Variants in ZHX3 observed in about 807,000 individuals in gnomAD.
ZHX3 encodes zinc fingers and homeoboxes 3.
ZHX3 carries 20 observed loss-of-function variants against 64.5 expected under a neutral mutation model. The ratio of observed to expected loss-of-function variants is 0.31; its 90% confidence interval spans 0.22 to 0.45. The LOEUF is 0.45. Ranked by LOEUF, ZHX3 falls within the 20% of genes least tolerant of loss-of-function variation. The pLI is 1.00. For missense variants in ZHX3, 1,041 were observed against 1,195.8 expected (o/e 0.87, Z 1.91); for synonymous variants, 423 against 461.6 (o/e 0.92, Z 1.07).
intron 1 of ZHX3, among the ~76,000 whole-genome samples, chr20:41,291,546 T>C (rs990012808): frequency 1.7e-4 from 26 of 151,924 alleles, no homozygotes; most frequent in Admixed American, 1.3e-4. Flanking sequence ...ATATGAAAGC[T>C]GTGGTTACAT....
chr20:41,215,438 T>C (rs1204345120), intron 2 of ZHX3, among the ~76,000 whole-genome samples: 1 of 152,214 alleles, frequency 6.6e-6, no homozygotes, highest in African/African-American at 2.4e-5. Flanking sequence ...GTGAGTTTTT[T>C]AGATAAAAAT....
At chr20:41,313,632 CTG>C (rs2045207181) in intron 1 of ZHX3, among the ~76,000 whole-genome samples, 1 of 121,966 alleles carries the variant, frequency 8.2e-6, no homozygotes, top group Admixed American at 1.0e-4. Context: ...GAGTCTCACT[CTG>C]TCGCCCAGGC....
At chr20:41,259,215 C>G (rs1470038322) in intron 2 of ZHX3, among the ~76,000 whole-genome samples, 3 of 152,132 alleles carry the variant, frequency 2.0e-5, no homozygotes, top group African/African-American at 7.2e-5. Flanking sequence ...GTAATTCTTT[C>G]TTTTTGGGAG....
rs774299186 is a variant in ZHX3, at chr20:41,204,594, G to C, written c.323C>G (p.Thr108Ser). ...AAAACTGCACCCACTGCATACAAAG[G>C]TTGGGTCTTTATTAAAGTCTGTGTG... Reference protein sequence around the residue: ...SEHTDFNKDPTFVCSGCSFLA... With the variant: ...SEHTDFNKDPSFVCSGCSFLA... Residue 108 changes from threonine (T) to serine (S), a missense_variant, in exon 3 of 4, where the codon ACC becomes AGC. Thr to Ser is a moderately conservative substitution (Grantham distance 58). Transcript: ENST00000683867. This position sits in a 1 kb window ranked among gnomAD's most constrained non-coding sequence, Gnocchi z 6.6. 8.7e-6 allele frequency: 14 copies of C among 1,614,110 alleles called. No homozygotes were observed. Among genetic ancestry groups the C allele is most frequent in the Admixed American group, 1.7e-5 (1 of 60,010 alleles).
At chr20:41,264,665 G>A (rs926149403) in intron 2 of ZHX3, among the ~76,000 whole-genome samples, 1 of 151,714 alleles carries the variant, frequency 6.6e-6, no homozygotes, top group African/African-American at 2.4e-5. Context: ...GCCAAAAATG[G>A]ATCAAGATAT....
chr20:41,294,943 C>G (rs1410125839), intron 1 of ZHX3, among the ~76,000 whole-genome samples: 1 of 152,168 alleles, frequency 6.6e-6, no homozygotes, highest in Admixed American at 6.5e-5. Flanking sequence ...GTGATCCATG[C>G]GCCTCGGCCT....
At position 41,312,821 on chromosome 20, in the gene ZHX3, G is replaced by A. The variant is rs573921664; in HGVS notation, c.-245+4688C>T. Among the ~76,000 whole-genome samples, 12 of 152,294 alleles carry A rather than the reference G, an allele frequency of 7.9e-5. No homozygotes were observed. The South Asian group carries it at 1.7e-3, about 21-fold the overall frequency. The stretch of plus-strand genomic sequence containing the variant: ...GAGCCTGGAGAGGGAGCACGTCAGA[G>A]TAAGTGTGGATGCGAGTCCAAGTGC... On this transcript the variant is annotated intron_variant, in intron 1 of 3. Coordinates refer to ENST00000683867, the MANE Select transcript of ZHX3 (RefSeq NM_001384317.1).
chr20:41,308,555 G>C (rs975147088), intron 1 of ZHX3, among the ~76,000 whole-genome samples: 2 of 152,198 alleles, frequency 1.3e-5, no homozygotes, highest in African/African-American at 4.8e-5. Flanking sequence ...TGATAAACCA[G>C]GTGGTATAGT....
intron 1 of ZHX3, among the ~76,000 whole-genome samples, chr20:41,275,805 G>C (rs1343572509): frequency 1.3e-5 from 2 of 152,212 alleles, no homozygotes; most frequent in Middle Eastern, 6.8e-3. Flanking sequence ...TCTTCAACAC[G>C]CTAACTGAAT....
At chr20:41,244,104 C>T (rs2041549841) in intron 2 of ZHX3, among the ~76,000 whole-genome samples, 1 of 152,014 alleles carries the variant, frequency 6.6e-6, no homozygotes, top group Non-Finnish European at 1.5e-5. Flanking sequence ...TGACTAGATG[C>T]CCACTAGATC....
chr20:41,197,204 G>A (rs2037789580), intron 3 of ZHX3: 1 of 147,092 alleles, frequency 6.8e-6, no homozygotes, highest in African/African-American at 2.5e-5. Context: ...TATATAACAT[G>A]TTATACATAT....
chr20:41,285,728 C>T (rs750538063), intron 1 of ZHX3, among the ~76,000 whole-genome samples: 33 of 152,140 alleles, frequency 2.2e-4, no homozygotes, highest in African/African-American at 5.1e-4. Flanking sequence ...TTGTTTTAGC[C>T]GTGCTGTTCA....
At chr20:41,303,525 C>CA (rs1307456623) in intron 1 of ZHX3, among the ~76,000 whole-genome samples, 1 of 152,142 alleles carries the variant, frequency 6.6e-6, no homozygotes, top group Non-Finnish European at 1.5e-5. Context: ...CCACTTTACA[C>CA]AAAAAAATAG....
chr20:41,261,079 A>G (rs984445976), intron 2 of ZHX3, among the ~76,000 whole-genome samples: 2 of 152,236 alleles, frequency 1.3e-5, no homozygotes, highest in African/African-American at 2.4e-5. Context: ...ACCTGAAAGA[A>G]GAAACAAGAA....
rs1265029703 is a variant in ZHX3 at position 41,219,753 on chromosome 20, T to A, written c.-150-14687A>T. Among the ~76,000 whole-genome samples the A allele has an allele frequency of 6.6e-6, 1 of 152,250 alleles. No individual in the cohort carries two copies. Among genetic ancestry groups the A allele is most frequent in the African/African-American group, 2.4e-5 (1 of 41,466 alleles). ...GGGCCTTGCCCTCCACTGGATGCAT[T>A]GAATTTCCCTGCCTACCTGAAGTTA... On this transcript the variant is annotated intron_variant, in intron 2 of 3. Coordinates refer to ENST00000683867, the MANE Select transcript of ZHX3 (RefSeq NM_001384317.1). This position sits in a 1 kb window ranked among gnomAD's most constrained non-coding sequence, Gnocchi z 5.0.
intron 1 of ZHX3, among the ~76,000 whole-genome samples, chr20:41,287,065 TAAGAA>T (rs2043971775): frequency 6.6e-6 from 1 of 152,236 alleles, no homozygotes; most frequent in South Asian, 2.1e-4. Context: ...TATAGCAGTA[TAAGAA>T]TAGACTAATA....
chr20:41,279,616 TA>T (rs1201868427), intron 1 of ZHX3, among the ~76,000 whole-genome samples: 1 of 151,900 alleles, frequency 6.6e-6, no homozygotes, highest in Admixed American at 6.6e-5. Flanking sequence ...ATGACCAATA[TA>T]AAAGACTACT....
intron 2 of ZHX3, among the ~76,000 whole-genome samples, chr20:41,256,879 A>G (rs2042284554): frequency 6.6e-6 from 1 of 151,894 alleles, no homozygotes; most frequent in South Asian, 2.1e-4. Flanking sequence ...TAGCGTCCAC[A>G]TCATCTAAAT....
chr20:41,206,258 G>A (rs902905242), intron 2 of ZHX3, among the ~76,000 whole-genome samples: 3 of 152,214 alleles, frequency 2.0e-5, no homozygotes, highest in African/African-American at 7.2e-5. Context: ...CCAAAGGAAC[G>A]CAGCTCCTCA....
Sources: allele counts gnomAD v4.1 joint callset (sites outside exome capture counted in the v4.1 genomes callset), GRCh38; gene constraint gnomAD v4.1.1; non-coding constraint Gnocchi (gnomAD v3.1); transcripts MANE v1.5; gene names NCBI Gene and HGNC (gene_info 2026-07-23, HGNC 2026-07-21).